The following ZNF90 variants were observed in gnomAD, a reference collection of about 807,000 sequenced individuals.
The protein encoded by ZNF90 is zinc finger protein HTF9.
ZNF90 carries 11 observed loss-of-function variants against 12.0 expected under a neutral mutation model. The observed-to-expected ratio is 0.92, with a 90% CI of 0.58 to 1.52. The LOEUF (loss-of-function observed/expected upper bound fraction) is 1.52, where lower values mean the gene tolerates loss of function less well. Ranked by LOEUF, ZNF90 falls within the 40% of genes most tolerant of loss-of-function variation. The pLI, the probability that ZNF90 is intolerant of heterozygous loss-of-function variation, is 0.00. For missense variants in ZNF90, 765 were observed against 711.5 expected, an observed-to-expected ratio of 1.08 and a Z score of -0.86; for synonymous variants, 232 against 240.1, an observed-to-expected ratio of 0.97 and a Z score of 0.31.
chr19:20,086,088 A>G (rs1446516005), intron 1 of ZNF90, among the ~76,000 whole-genome samples: 2 of 152,202 alleles, frequency 1.3e-5, no homozygotes, highest in Non-Finnish European at 1.5e-5. Context: ...TTGTACTGCA[A>G]AAGCAAGAAC....
intron 3 of ZNF90, among the ~76,000 whole-genome samples, chr19:20,113,682 G>C (rs1244321780): frequency 6.6e-6 from 1 of 151,948 alleles, no homozygotes; most frequent in Non-Finnish European, 1.5e-5. Flanking sequence ...CAAAAAATTC[G>C]CCGGGCGTGT....
At chr19:20,113,587 T>C (rs1217281379) in intron 3 of ZNF90, among the ~76,000 whole-genome samples, 1 of 151,506 alleles carries the variant, frequency 6.6e-6, no homozygotes, top group African/African-American at 2.4e-5. Context: ...CCCAGCACTT[T>C]GGGAGGCCAA....
intron 3 of ZNF90, among the ~76,000 whole-genome samples, chr19:20,112,927 T>G (rs2089102454): frequency 6.6e-6 from 1 of 152,148 alleles, no homozygotes; most frequent in South Asian, 2.1e-4. Flanking sequence ...AATTTAATAT[T>G]TTTGTGTTAT....
intron 3 of ZNF90, among the ~76,000 whole-genome samples, chr19:20,114,444 TTC>T (rs2089118395): frequency 6.6e-6 from 1 of 152,216 alleles, no homozygotes; most frequent in South Asian, 2.1e-4. Context: ...CCACATTGTT[TTC>T]TGTTTCAAAG....
At chr19:20,105,194 T>G in intron 2 of ZNF90, 27 bp from the exon 3 acceptor site, 1 of 1,548,424 alleles carries the variant, frequency 6.5e-7, no homozygotes, top group East Asian at 2.3e-5. Flanking sequence ...TGAGGAAGAT[T>G]CATGTTATTT....
intron 1 of ZNF90, among the ~76,000 whole-genome samples, chr19:20,085,268 C>CTTTTTTTTTTTCTTTCTTTTT (rs56068843): frequency 7.4e-6 from 1 of 135,572 alleles, no homozygotes; most frequent in African/African-American, 2.9e-5. Flanking sequence ...TTGCATTGGT[C>CTTTTTTTTTTTCTTTCTTTTT]TTTTTTTTTT....
intron 1 of ZNF90, among the ~76,000 whole-genome samples, chr19:20,103,908 T>C (rs1555704108): frequency 6.6e-6 from 1 of 152,196 alleles, no homozygotes; most frequent in Non-Finnish European, 1.5e-5. Context: ...CCGTGTCTTT[T>C]CTGTCTGAAA....
At chr19:20,091,361 C>T (rs145820350) in intron 1 of ZNF90, among the ~76,000 whole-genome samples, 10 of 152,194 alleles carry the variant, frequency 6.6e-5, no homozygotes, top group East Asian at 1.9e-4. Context: ...TTCTAAGAGA[C>T]GGTCTAGCGG....
intron 1 of ZNF90, among the ~76,000 whole-genome samples, chr19:20,095,373 A>G (rs1555703138): frequency 1.3e-5 from 2 of 152,068 alleles, no homozygotes; most frequent in Non-Finnish European, 1.5e-5. Flanking sequence ...AGAAGAAAAT[A>G]AGGCATTTAG....
At chr19:20,078,262 C>T in intron 1 of ZNF90, 127 bp downstream of exon 1, 3 of 1,284,098 alleles carry the variant, frequency 2.3e-6, no homozygotes, top group Non-Finnish European at 3.3e-6. Flanking sequence ...TCTCCTTGCC[C>T]AGTTCGGCCT....
At chr19:20,109,674 G>T (rs919302654) in intron 3 of ZNF90, among the ~76,000 whole-genome samples, 1 of 151,222 alleles carries the variant, frequency 6.6e-6, no homozygotes, top group African/African-American at 2.4e-5. Context: ...AAAGGTTTGA[G>T]ACCAGCCTGG....
intron 1 of ZNF90, among the ~76,000 whole-genome samples, chr19:20,097,771 G>A (rs942375333): frequency 3.9e-5 from 6 of 152,130 alleles, no homozygotes; most frequent in African/African-American, 2.4e-5. Context: ...TTTGAACTAT[G>A]TATTCAAATG....
chr19:20,092,276 T>C (rs1162285152), intron 1 of ZNF90, among the ~76,000 whole-genome samples: 2 of 151,772 alleles, frequency 1.3e-5, no homozygotes, highest in South Asian at 2.1e-4. Context: ...GAGTTGAGCA[T>C]AGTTTGTGAT....
At chr19:20,085,775 A>T (rs2088854704) in intron 1 of ZNF90, among the ~76,000 whole-genome samples, 2 of 152,204 alleles carry the variant, frequency 1.3e-5, no homozygotes, top group African/African-American at 4.8e-5. Flanking sequence ...TTTTATTGAA[A>T]TATATGTAAA....
intron 3 of ZNF90, among the ~76,000 whole-genome samples, chr19:20,108,125 GT>G (rs1246184442): frequency 1.4e-5 from 2 of 145,414 alleles, no homozygotes; most frequent in Non-Finnish European, 3.1e-5. Flanking sequence ...TAAAACATTT[GT>G]TTTTTAACAA....
At chr19:20,106,044 C>CATTTTTTTTTTTTTTTTTTTT (rs1555704366) in intron 3 of ZNF90, among the ~76,000 whole-genome samples, 2 of 71,040 alleles carry the variant, frequency 2.8e-5, no homozygotes, top group African/African-American at 1.1e-4. Context: ...CTAATTTTTT[C>CATTTTTTTTTTTTTTTTTTTT]TTTTTTTTTT....
chr19:20,104,631 C>G (rs902876558), intron 2 of ZNF90, among the ~76,000 whole-genome samples: 12 of 152,138 alleles, frequency 7.9e-5, no homozygotes, highest in Non-Finnish European at 1.3e-4. Context: ...AATATTGTTA[C>G]CTCCACCTGA....
At chr19:20,114,290 T>C (rs1313802171) in intron 3 of ZNF90, among the ~76,000 whole-genome samples, 1 of 152,202 alleles carries the variant, frequency 6.6e-6, no homozygotes, top group Non-Finnish European at 1.5e-5. Flanking sequence ...GAAGTATATA[T>C]TTCTAAATAT....
intron 3 of ZNF90, chr19:20,106,976 T>C (rs908531701): frequency 2.2e-6 from 1 of 454,540 alleles, no homozygotes; most frequent in Admixed American, 2.3e-5. Flanking sequence ...CTTTGCTCTG[T>C]AGGGCAGACA....
Sources: gnomAD v4.1 joint callset for allele counts (sites outside exome capture counted in the v4.1 genomes callset) on GRCh38, gnomAD v4.1.1 for gene constraint, MANE v1.5 for transcripts, NCBI Gene and HGNC (gene_info 2026-07-23, HGNC 2026-07-21) for gene names.